The following BRWD1 variants were observed in gnomAD, a reference collection of about 807,000 sequenced individuals.
BRWD1 encodes bromodomain and WD repeat domain containing 1, also known as bromodomain and WD repeat-containing protein 1.
Under a neutral mutation model 251.2 loss-of-function variants are expected in BRWD1, and 82 were observed. The observed-to-expected ratio is 0.33, with a 90% CI of 0.27 to 0.39. BRWD1 has a LOEUF of 0.39. Ranked by LOEUF, BRWD1 falls within the 10% of genes least tolerant of loss-of-function variation. The pLI, the probability that BRWD1 is intolerant of heterozygous loss-of-function variation, is 1.00. For missense variants in BRWD1, 2,233 were observed against 2,711.6 expected (o/e 0.82, Z 3.92); for synonymous variants, 918 against 902.8 (o/e 1.02, Z -0.30).
chr21:39,202,187 G>A, intron 38 of BRWD1, 138 bp downstream of exon 38: 2 of 583,116 alleles, frequency 3.4e-6, no homozygotes, highest in Non-Finnish European at 5.9e-6. Flanking sequence ...TGTTTATTAT[G>A]TTTATCTCTT....
rs2035394083 is a variant in BRWD1 at position 39,279,664 on chromosome 21, A to AAG, written c.932+483_932+484insCT. Among the ~76,000 whole-genome samples, 2 of 87,652 alleles carry AAG rather than the reference A, an allele frequency of 2.3e-5. 1 individual carries two copies. The allele number at this position is 87,652 out of a possible 152,430, so 57.5% of individuals were successfully genotyped here. On this transcript the variant is annotated intron_variant, in intron 9 of 40. Coordinates refer to ENST00000342449, the MANE Select transcript of BRWD1 (RefSeq NM_033656.4). ...AAAAAAAAAAAAAAAAAAGAAAAAA[A>AAG]AAAAGAAAACGAAAACAAAAGGAAA...
chr21:39,296,895 C>G (rs952296443), intron 5 of BRWD1: 11 of 983,834 alleles, frequency 1.1e-5, no homozygotes, highest in Non-Finnish European at 1.3e-5. Flanking sequence ...GGAAAAAGTT[C>G]TTTGATTTAT....
At chr21:39,249,078 C>G (rs542999943) in intron 20 of BRWD1, among the ~76,000 whole-genome samples, 1 of 152,066 alleles carries the variant, frequency 6.6e-6, no homozygotes, top group South Asian at 2.1e-4. Flanking sequence ...ATGGGTGAAG[C>G]TGGAGGCCAC....
upstream of BRWD1, chr21:39,314,597 G>A (rs2036656247): frequency 2.9e-6 from 1 of 346,614 alleles, no homozygotes; most frequent in Non-Finnish European, 5.7e-6. Flanking sequence ...CCAGGCTTCT[G>A]ACCTAACTAT....
At chr21:39,280,067 TAAC>T in intron 9 of BRWD1, 78 bp downstream of exon 9, 1 of 1,052,032 alleles carries the variant, frequency 9.5e-7, no homozygotes, top group Non-Finnish European at 1.4e-6. Flanking sequence ...CAATTTCTCA[TAAC>T]AATAAAACTT....
intron 18 of BRWD1, among the ~76,000 whole-genome samples, chr21:39,257,996 T>G (rs2034617185): frequency 6.6e-6 from 1 of 152,210 alleles, no homozygotes; most frequent in Non-Finnish European, 1.5e-5. Flanking sequence ...TTAATCATAT[T>G]GGACTAGAAA....
At chr21:39,206,004 C>T (rs568241296) in intron 37 of BRWD1, 104 bp downstream of exon 37, 4 of 1,144,536 alleles carry the variant, frequency 3.5e-6, no homozygotes, top group African/African-American at 1.6e-5. Context: ...CACTTGAACC[C>T]GGGAGGCAGA....
At chr21:39,285,518 G>A (rs1230165203) in intron 8 of BRWD1, among the ~76,000 whole-genome samples, 1 of 152,064 alleles carries the variant, frequency 6.6e-6, no homozygotes, top group Non-Finnish European at 1.5e-5. Flanking sequence ...CTTAGTGATG[G>A]ATATAATTAC....
At position 39,198,938 on chromosome 21, in the gene BRWD1, T is replaced by C; in HGVS notation, c.5478A>G (p.Glu1826=). 1 of 1,614,150 alleles carries C rather than the reference T, an allele frequency of 6.2e-7. No individual in the cohort carries two copies. Reference sequence around the variant, plus strand: ...CATCTTCTCTATCTTGCTCTTCAGATTCAGAGTCTTCTGAGTCACTCAGAA... The same window carrying C: ...CATCTTCTCTATCTTGCTCTTCAGACTCAGAGTCTTCTGAGTCACTCAGAA... ...TKILSDSEDS[E]SEEQDREDGK... Residue 1826 remains glutamate, a synonymous_variant, in exon 40 of 41, where the codon GAA becomes GAG. Transcript: ENST00000342449.
chr21:39,224,020 T>C (rs530080226), intron 29 of BRWD1, among the ~76,000 whole-genome samples: 19 of 152,304 alleles, frequency 1.2e-4, no homozygotes, highest in African/African-American at 4.6e-4. Context: ...GCCTAATTTT[T>C]TGTATTTTTA....
At chr21:39,250,419 A>C (rs752366814) in intron 20 of BRWD1, among the ~76,000 whole-genome samples, 1 of 152,184 alleles carries the variant, frequency 6.6e-6, no homozygotes, top group Non-Finnish European at 1.5e-5. Flanking sequence ...AAAAAAATGA[A>C]ATTACCAGAC....
chr21:39,207,348 T>C (rs1205545260), intron 36 of BRWD1, among the ~76,000 whole-genome samples: 1 of 151,128 alleles, frequency 6.6e-6, no homozygotes, highest in Non-Finnish European at 1.5e-5. Context: ...AGCAGGCAAA[T>C]TGCTCAGGAG....
chr21:39,234,086 G>A (rs909958690), intron 23 of BRWD1, among the ~76,000 whole-genome samples: 2 of 152,016 alleles, frequency 1.3e-5, no homozygotes, highest in Non-Finnish European at 2.9e-5. Context: ...GTGTATCAAA[G>A]TCAATCATAA....
chr21:39,192,292 C>G lies in BRWD1; in HGVS notation c.*3967G>C, dbSNP rs1359432821. ...CAATCCTTACTATTCACAGTTTGAG[C>G]TAGGAATTAACATTTGCTAATCTAG... On this transcript the variant is annotated 3_prime_UTR_variant, in exon 41 of 41. Coordinates refer to ENST00000342449, the MANE Select transcript of BRWD1 (RefSeq NM_033656.4). The G allele has an allele frequency of 4.1e-6, 4 of 985,100 alleles. No individual in the cohort carries two copies. Among genetic ancestry groups the G allele is most frequent in the African/African-American group, 1.7e-5 (1 of 57,186 alleles). 61.0% of individuals were successfully genotyped at this position (985,100 alleles called of 1,614,324 possible).
intron 36 of BRWD1, chr21:39,209,729 T>C (rs530270186): frequency 3.8e-6 from 1 of 266,632 alleles, no homozygotes; most frequent in South Asian, 1.1e-4. Flanking sequence ...TCACTTTCTA[T>C]TGATGCCTAC....
At chr21:39,244,470 C>T (rs913578258) in intron 21 of BRWD1, among the ~76,000 whole-genome samples, 2 of 152,152 alleles carry the variant, frequency 1.3e-5, no homozygotes, top group Non-Finnish European at 2.9e-5. Context: ...TGAATTCCTA[C>T]TTGTTGGAAT....
intron 4 of BRWD1, among the ~76,000 whole-genome samples, chr21:39,304,678 T>C (rs531409255): frequency 2.6e-5 from 4 of 151,844 alleles, no homozygotes; most frequent in Admixed American, 6.6e-5. Flanking sequence ...AACTACACGC[T>C]GTTTACGGGA....
chr21:39,287,270 T>C (rs568883346), intron 8 of BRWD1, among the ~76,000 whole-genome samples: 2 of 152,328 alleles, frequency 1.3e-5, no homozygotes, highest in African/African-American at 2.4e-5. Flanking sequence ...GTTTGTCCCT[T>C]TTCCTGAGGT....
chr21:39,284,502 A>G (rs1246642022), intron 8 of BRWD1, among the ~76,000 whole-genome samples: 1 of 151,858 alleles, frequency 6.6e-6, no homozygotes, highest in African/African-American at 2.4e-5. Flanking sequence ...GAACCTCCAT[A>G]CTGTTTCCCA....
Sources: allele counts gnomAD v4.1 joint callset (sites outside exome capture counted in the v4.1 genomes callset), GRCh38; gene constraint gnomAD v4.1.1; transcripts MANE v1.5; gene names NCBI Gene and HGNC (gene_info 2026-07-23, HGNC 2026-07-21).